THEM4: variants seen among roughly 807,000 people sequenced by gnomAD.
THEM4 encodes the protein thioesterase superfamily member 4.
Under a neutral mutation model 25.0 loss-of-function variants are expected in THEM4, and 22 were observed. The observed-to-expected ratio is 0.88, with a 90% CI of 0.63 to 1.26. The LOEUF (loss-of-function observed/expected upper bound fraction) is 1.26, where lower values mean the gene tolerates loss of function less well. Ranked by LOEUF, THEM4 falls within the 50% of genes most tolerant of loss-of-function variation. THEM4 has a pLI of 0.00. For synonymous variants in THEM4, 113 were observed against 105.6 expected (o/e 1.07, Z -0.43); for missense variants, 286 against 300.3 (o/e 0.95, Z 0.35).
chr1:151,875,128 C>G (rs535767272), intron 5 of THEM4, among the ~76,000 whole-genome samples, 200 bp from the exon 6 acceptor site: 2 of 152,332 alleles, frequency 1.3e-5, no homozygotes, highest in African/African-American at 4.8e-5. Context: ...CCCTGGGTAA[C>G]CAGGTCCTCA....
At chr1:151,887,880 C>A (rs1268717190) in intron 4 of THEM4, among the ~76,000 whole-genome samples, 1 of 152,174 alleles carries the variant, frequency 6.6e-6, no homozygotes, top group Non-Finnish European at 1.5e-5. Flanking sequence ...TGGTTATTTT[C>A]TCTAGAGTCT....
intron 1 of THEM4, among the ~76,000 whole-genome samples, chr1:151,897,724 G>A (rs1654254939): frequency 6.6e-6 from 1 of 152,290 alleles, no homozygotes; most frequent in Admixed American, 6.5e-5. Context: ...GAAGGAAGCG[G>A]ACTACTCCTG....
At chr1:151,877,177 A>G in intron 4 of THEM4, 52 bp from the exon 5 acceptor site, 1 of 1,545,918 alleles carries the variant, frequency 6.5e-7, no homozygotes, top group South Asian at 1.2e-5. Flanking sequence ...TGACTTATAT[A>G]ACATTAAAAG....
intron 4 of THEM4, among the ~76,000 whole-genome samples, 160 bp downstream of exon 4, chr1:151,888,110 ACTT>A (rs1177308189): frequency 6.6e-6 from 1 of 152,308 alleles, no homozygotes; most frequent in South Asian, 2.1e-4. Context: ...CTTGGTTGAC[ACTT>A]CTTCATCTTC....
intron 5 of THEM4, among the ~76,000 whole-genome samples, chr1:151,875,401 C>T (rs1653650020): frequency 6.6e-6 from 1 of 151,928 alleles, no homozygotes; most frequent in Admixed American, 6.6e-5. Context: ...AAAAATTAGC[C>T]ATAAAGGGAA....
At chr1:151,894,950 T>G in intron 2 of THEM4, 58 bp downstream of exon 2, 1 of 1,555,708 alleles carries the variant, frequency 6.4e-7, no homozygotes, top group Non-Finnish European at 8.9e-7. Context: ...TACTTCAATC[T>G]GTTCTTAGCT....
chr1:151,908,395 G>A (rs990268677), intron 1 of THEM4, among the ~76,000 whole-genome samples: 6 of 152,096 alleles, frequency 3.9e-5, no homozygotes, highest in Non-Finnish European at 8.8e-5. Flanking sequence ...CGTTTAGCCC[G>A]GCATGGCCCA....
At chr1:151,883,027 A>C (rs1653880044) in intron 4 of THEM4, among the ~76,000 whole-genome samples, 1 of 148,330 alleles carries the variant, frequency 6.7e-6, no homozygotes, top group African/African-American at 2.5e-5. Context: ...AAGGGGAAGC[A>C]AGGCACGTCT....
chr1:151,889,156 TG>T, intron 3 of THEM4, 57 bp downstream of exon 3: 3 of 1,472,100 alleles, frequency 2.0e-6, no homozygotes, highest in South Asian at 1.2e-5. Context: ...ACAGGACACA[TG>T]GGGGCAGTGT....
intron 1 of THEM4, among the ~76,000 whole-genome samples, chr1:151,904,202 A>G (rs917891643): frequency 6.6e-6 from 1 of 152,174 alleles, no homozygotes; most frequent in African/African-American, 2.4e-5. Context: ...TTCAGCCTTC[A>G]TATATGTAAG....
At chr1:151,878,889 T>TACACACACACACACACACACACAC (rs144026658) in intron 4 of THEM4, among the ~76,000 whole-genome samples, 5,825 of 127,350 alleles carry the variant, frequency 0.046, 399 homozygotes, top group East Asian at 0.058. Context: ...TGTATATGTC[T>TACACACACACACACACACACACAC]ATACACACAC....
chr1:151,874,009 T>G lies in THEM4; in HGVS notation c.*879A>C, dbSNP rs1229593391. 6.6e-6 allele frequency: 1 copy of G among 152,240 alleles called. No homozygotes were observed. Among genetic ancestry groups the G allele is most frequent in the Non-Finnish European group, 1.5e-5 (1 of 68,054 alleles). 9.4% of individuals were successfully genotyped at this position (152,240 alleles called of 1,614,324 possible). On this transcript the variant is annotated 3_prime_UTR_variant, in exon 6 of 6. Transcript: ENST00000368814. ...GGAAATGAACACAGGCTCCTTCCAG[T>G]GATGAAAACCTATGCTGTTGGTAAG... is the stretch of plus-strand genomic sequence containing the variant.
intron 4 of THEM4, among the ~76,000 whole-genome samples, chr1:151,878,891 T>TACACACACACACACACACACACACACAC (rs55900104): frequency 9.4e-5 from 13 of 138,640 alleles, no homozygotes; most frequent in African/African-American, 2.9e-4. Context: ...TATATGTCTA[T>TACACACACACACACACACACACACACAC]ACACACACAC....
intron 1 of THEM4, among the ~76,000 whole-genome samples, chr1:151,903,294 T>G (rs1406375173): frequency 6.6e-6 from 1 of 152,206 alleles, no homozygotes; most frequent in Non-Finnish European, 1.5e-5. Flanking sequence ...TAATTTTTCC[T>G]AATATACTTG....
Position 151,872,562 on chromosome 1 carries a change from T to C in THEM4, c.*2326A>G, listed in dbSNP as rs992550221. 6.6e-6 allele frequency among the ~76,000 whole-genome samples: 1 copy of C among 152,224 alleles called. No individual in the cohort carries two copies. The highest frequency in any genetic ancestry group is 1.5e-5 in the Non-Finnish European group (1 of 68,006). ...CTGTGTCTATGTAGAAAGGAAGACA[T>C]GAGAAATTCCATTTTGATCTGTTCT... On this transcript the variant is annotated 3_prime_UTR_variant, in exon 6 of 6. Coordinates refer to ENST00000368814, the MANE Select transcript of THEM4 (RefSeq NM_053055.5).
In THEM4 at chr1:151,909,360, C is replaced by T; in HGVS notation, c.99G>A (p.Leu33=). The T allele has an allele frequency of 6.6e-7, 1 of 1,512,574 alleles. No individual in the cohort carries two copies. Among genetic ancestry groups the T allele is most frequent in the Non-Finnish European group, 8.8e-7 (1 of 1,136,060 alleles). The allele number at this position is 1,512,574 out of a possible 1,614,324, so 93.7% of individuals were successfully genotyped here. Residue 33 remains leucine (L), a splice_region_variant and synonymous_variant, in exon 1 of 6, where the codon CTG becomes CTA. Coordinates refer to ENST00000368814, the MANE Select transcript of THEM4 (RefSeq NM_053055.5). ...RLPGSEPRPE[L]RSFSSEEVIL... ...CATGCCCGAGGGTGCCCAGACTCAC[C>T]AGCTCGGGTCGCGGCTCGCTTCCCG...
chr1:151,904,502 G>C (rs6691350), intron 1 of THEM4, among the ~76,000 whole-genome samples: 139,311 of 152,254 alleles, frequency 0.91, 63,738 homozygotes, highest in East Asian at 0.95. Context: ...GATACAGCAC[G>C]TTTTTCCTTT....
At chr1:151,901,660 C>A (rs549069280) in intron 1 of THEM4, among the ~76,000 whole-genome samples, 2 of 151,962 alleles carry the variant, frequency 1.3e-5, no homozygotes, top group Non-Finnish European at 2.9e-5. Flanking sequence ...CTGACTAACA[C>A]GGCAAAACCC....
At chr1:151,897,169 G>A (rs1186663493) in intron 1 of THEM4, among the ~76,000 whole-genome samples, 1 of 152,158 alleles carries the variant, frequency 6.6e-6, no homozygotes, top group Non-Finnish European at 1.5e-5. Context: ...AGTTATCTTG[G>A]AACATGTAGG....
Sources: allele counts gnomAD v4.1 joint callset (sites outside exome capture counted in the v4.1 genomes callset), GRCh38; gene constraint gnomAD v4.1.1; transcripts MANE v1.5; gene names NCBI Gene and HGNC (gene_info 2026-07-23, HGNC 2026-07-21).